QRICH1: variants seen among roughly 807,000 people sequenced by gnomAD.
The protein encoded by QRICH1 is glutamine rich 1.
Under a neutral mutation model 87.1 loss-of-function variants are expected in QRICH1, and 16 were observed. The ratio of observed to expected loss-of-function variants is 0.18; its 90% CI spans 0.12 to 0.28. QRICH1 has a LOEUF of 0.28. Among genes scored for constraint, QRICH1 ranks in the 10% least tolerant of loss-of-function variants. The probability of loss-of-function intolerance (pLI) is 1.00; values close to 1 mark genes in which losing one functional copy is unlikely to be tolerated. For missense variants in QRICH1, 647 were observed against 951.7 expected, an observed-to-expected ratio of 0.68 and a Z score of 4.21; for synonymous variants, 367 against 368.4, an observed-to-expected ratio of 1.00 and a Z score of 0.05.
intron 2 of QRICH1, among the ~76,000 whole-genome samples, chr3:49,060,788 T>C (rs1235965919): frequency 1.3e-5 from 2 of 152,094 alleles, no homozygotes; most frequent in Non-Finnish European, 2.9e-5. Flanking sequence ...GCACAAACCC[T>C]ATCGTGAACT....
At chr3:49,080,028 C>CAAA (rs11443291) in intron 1 of QRICH1, among the ~76,000 whole-genome samples, 5 of 136,506 alleles carry the variant, frequency 3.7e-5, no homozygotes, top group South Asian at 2.3e-4. Flanking sequence ...GACTCTATCT[C>CAAA]AAAAAAAAAA....
chr3:49,035,197 A>G (rs116185530), intron 6 of QRICH1, among the ~76,000 whole-genome samples: 2,541 of 152,182 alleles, frequency 0.017, 30 homozygotes, highest in Middle Eastern at 0.031. Flanking sequence ...CAGCCTCCCT[A>G]GTAGCTGGGA....
intron 2 of QRICH1, among the ~76,000 whole-genome samples, chr3:49,065,462 T>G (rs774058563): frequency 6.6e-6 from 1 of 152,162 alleles, no homozygotes; most frequent in Non-Finnish European, 1.5e-5. Flanking sequence ...TGCAAACCTA[T>G]TTAATGGCTG....
intron 2 of QRICH1, among the ~76,000 whole-genome samples, chr3:49,059,917 C>T (rs1431266525): frequency 1.3e-5 from 2 of 150,542 alleles, no homozygotes; most frequent in Non-Finnish European, 3.0e-5. Context: ...CGGAGTCTCG[C>T]TCTATCGCCC....
upstream of QRICH1, chr3:49,094,257 G>T: frequency 2.6e-6 from 1 of 379,668 alleles, no homozygotes; most frequent in Non-Finnish European, 4.7e-6. Context: ...CTCTCCATGT[G>T]GGGCGGAGCT....
At position 49,089,878 on chromosome 3, in the gene QRICH1, C is replaced by T. The variant is rs1158038303; in HGVS notation, c.-22+4034G>A. Among the ~76,000 whole-genome samples, 6 of 152,134 alleles carry T rather than the reference C, an allele frequency of 3.9e-5. No homozygotes were observed. In the East Asian group the frequency reaches 5.8e-4, roughly 15 times the overall value. ...GAAGCTGTGATCAGGAAGGGACCCA[C>T]GAAGGGTTCAGAGATACTGGCATCG... On this transcript the variant is annotated intron_variant, in intron 1 of 9. Transcript: ENST00000395443.
At chr3:49,074,668 A>G (rs1442777515) in intron 2 of QRICH1, among the ~76,000 whole-genome samples, 2 of 151,896 alleles carry the variant, frequency 1.3e-5, no homozygotes, top group Non-Finnish European at 2.9e-5. Flanking sequence ...AAAACTATTC[A>G]GCTCTCCACA....
chr3:49,087,958 T>TA (rs1352295367), intron 1 of QRICH1, among the ~76,000 whole-genome samples: 1 of 145,804 alleles, frequency 6.9e-6, no homozygotes, highest in African/African-American at 2.5e-5. Context: ...TTTCATTTAT[T>TA]TTTTTTTTTT....
intron 1 of QRICH1, among the ~76,000 whole-genome samples, chr3:49,089,370 T>C (rs954640337): frequency 6.6e-6 from 1 of 152,186 alleles, no homozygotes; most frequent in Non-Finnish European, 1.5e-5. Context: ...ATGGTTCTAT[T>C]TTCAATCAGG....
At chr3:49,046,238 G>C (rs375075497) in intron 5 of QRICH1, among the ~76,000 whole-genome samples, 187 bp downstream of exon 5, 2 of 149,688 alleles carry the variant, frequency 1.3e-5, no homozygotes, top group South Asian at 4.2e-4. Context: ...ATTTTCTAAA[G>C]TGAACGTGTA....
chr3:49,051,588 C>CG lies in QRICH1; in HGVS notation c.1339-4343_1339-4342insC, dbSNP rs1420177866. Among the ~76,000 whole-genome samples, 6 of 131,996 alleles carry CG rather than the reference C, an allele frequency of 4.5e-5. No individual in the cohort carries two copies. In the South Asian group the frequency reaches 9.0e-4, roughly 20 times the overall value. The allele number at this position is 131,996 out of a possible 152,430, so 86.6% of individuals were successfully genotyped here. ...CCAAGCTAGAACCCCCCCTGCGCCC[C>CG]CCCCCCCCTCCGCTTAATATACCTA... On this transcript the variant is annotated intron_variant, in intron 3 of 9. Transcript: ENST00000395443.
intron 2 of QRICH1, chr3:49,058,149 A>G: frequency 1.8e-6 from 1 of 547,074 alleles, no homozygotes; most frequent in Non-Finnish European, 3.0e-6. Flanking sequence ...GAAATACCAA[A>G]AAAAAAAATT....
intron 1 of QRICH1, 34 bp from the exon 2 acceptor site, chr3:49,077,072 G>A (rs974288800): frequency 7.7e-7 from 1 of 1,293,052 alleles, no homozygotes; most frequent in Middle Eastern, 2.3e-4. Context: ...TTATGTTACT[G>A]TTTTTAGCAG....
At chr3:49,043,570 T>G (rs1359938719) in intron 6 of QRICH1, among the ~76,000 whole-genome samples, 1 of 146,716 alleles carries the variant, frequency 6.8e-6, no homozygotes, top group African/African-American at 2.5e-5. Flanking sequence ...GGCTCACGCC[T>G]GTAATCCCAG....
At chr3:49,081,681 TAG>T (rs1020441546) in intron 1 of QRICH1, among the ~76,000 whole-genome samples, 2 of 152,134 alleles carry the variant, frequency 1.3e-5, no homozygotes, top group Non-Finnish European at 2.9e-5. Context: ...CAGTATTTGT[TAG>T]AGAGACAGGG....
intron 3 of QRICH1, among the ~76,000 whole-genome samples, chr3:49,047,926 G>A (rs543548960): frequency 4.6e-4 from 69 of 151,092 alleles, no homozygotes; most frequent in African/African-American, 1.7e-3. Context: ...ACTCTGTCTC[G>A]AAAAAAGAAA....
chr3:49,074,504 G>C (rs1018790316), intron 2 of QRICH1, among the ~76,000 whole-genome samples: 1 of 150,084 alleles, frequency 6.7e-6, no homozygotes, highest in East Asian at 2.0e-4. Flanking sequence ...CCCGGGAGGC[G>C]GAGCTTGCAG....
At chr3:49,091,488 T>G (rs2042273938) in intron 1 of QRICH1, among the ~76,000 whole-genome samples, 1 of 152,130 alleles carries the variant, frequency 6.6e-6, no homozygotes, top group South Asian at 2.1e-4. Context: ...CCAGAGCCCC[T>G]GACTTTGGTT....
At chr3:49,039,353 T>C (rs1416589605) in intron 6 of QRICH1, among the ~76,000 whole-genome samples, 1 of 151,094 alleles carries the variant, frequency 6.6e-6, no homozygotes, top group Non-Finnish European at 1.5e-5. Flanking sequence ...TGAGGATCTG[T>C]CTCAAATAAA....
Sources: allele counts gnomAD v4.1 joint callset (sites outside exome capture counted in the v4.1 genomes callset), GRCh38; gene constraint gnomAD v4.1.1; transcripts MANE v1.5; gene names NCBI Gene and HGNC (gene_info 2026-07-23, HGNC 2026-07-21).